NCOA2: variants seen among roughly 807,000 people sequenced by gnomAD.
NCOA2 encodes the protein class E basic helix-loop-helix protein 75.
In NCOA2, 21 loss-of-function variants were observed where a neutral mutation model predicts 145.1. The observed-to-expected ratio is 0.14, with a 90% CI of 0.10 to 0.21. The LOEUF is 0.21. Among genes scored for constraint, NCOA2 ranks in the 10% least tolerant of loss-of-function variants. The pLI is 1.00. For missense variants in NCOA2, 1,472 were observed against 1,837.6 expected, an observed-to-expected ratio of 0.80 and a Z score of 3.64; for synonymous variants, 619 against 637.5, an observed-to-expected ratio of 0.97 and a Z score of 0.44.
At chr8:70,124,642 C>T (rs1404723472) in intron 20 of NCOA2, 46 bp downstream of exon 20, 4 of 1,536,714 alleles carry the variant, frequency 2.6e-6, no homozygotes, top group East Asian at 2.3e-5. Context: ...GGATGTCCTT[C>T]AGCTGTCACA....
At chr8:70,310,568 T>C (rs1805027107) in intron 1 of NCOA2, among the ~76,000 whole-genome samples, 2 of 152,168 alleles carry the variant, frequency 1.3e-5, no homozygotes, top group South Asian at 4.1e-4. Context: ...TTTTTCTTCA[T>C]AAAGTATCAG....
chr8:70,409,154 A>G, the NCOA2 span, among the ~76,000 whole-genome samples: 2 of 152,230 alleles, frequency 1.3e-5, no homozygotes. Context: ...TATAGATTCA[A>G]TGCAATCCCA....
intron 2 of NCOA2, among the ~76,000 whole-genome samples, chr8:70,272,406 G>A (rs557897737): frequency 2.8e-4 from 42 of 152,250 alleles, no homozygotes; most frequent in Middle Eastern, 3.4e-3. Flanking sequence ...ACTTATCTAC[G>A]TGTCTCCTCT....
intron 2 of NCOA2, among the ~76,000 whole-genome samples, chr8:70,244,408 T>C (rs1031726392): frequency 2.0e-5 from 3 of 152,098 alleles, no homozygotes; most frequent in African/African-American, 4.8e-5. Context: ...AGCAGACAAG[T>C]ACAGTCTGAA....
rs1805275163 is a variant in NCOA2 at position 70,313,255 on chromosome 8, A to G, written c.-76-16455T>C. 2.0e-5 allele frequency among the ~76,000 whole-genome samples: 3 copies of G among 152,198 alleles called. No individual in the cohort carries two copies. In the South Asian group the frequency reaches 6.2e-4, roughly 31 times the overall value. On this transcript the variant is annotated intron_variant, in intron 1 of 22. Coordinates refer to ENST00000452400, the MANE Select transcript of NCOA2 (RefSeq NM_006540.4). ...TGCTCATGATTTTATAACACTAGAT[A>G]TATCTATTTATTCCCAAAGGGATTA... is the stretch of plus-strand genomic sequence containing the variant.
intron 2 of NCOA2, among the ~76,000 whole-genome samples, chr8:70,254,800 T>C (rs929414414): frequency 1.3e-5 from 2 of 152,218 alleles, no homozygotes; most frequent in African/African-American, 2.4e-5. Context: ...TTGATAGCTG[T>C]ATAACAGTGT....
intron 2 of NCOA2, among the ~76,000 whole-genome samples, chr8:70,230,797 A>G (rs1488586640): frequency 1.3e-5 from 2 of 152,252 alleles, no homozygotes; most frequent in Non-Finnish European, 2.9e-5. Flanking sequence ...AGAACAATCA[A>G]TAACTTAAAA....
the NCOA2 span, among the ~76,000 whole-genome samples, chr8:70,421,129 G>A: frequency 6.6e-6 from 1 of 152,138 alleles, no homozygotes; most frequent in Non-Finnish European, 1.5e-5. Flanking sequence ...AAAAAATACT[G>A]TGTAGGCAGG....
At chr8:70,150,703 C>T (rs1811640278) in intron 11 of NCOA2, among the ~76,000 whole-genome samples, 1 of 152,112 alleles carries the variant, frequency 6.6e-6, no homozygotes, top group African/African-American at 2.4e-5. Context: ...TCATGTTTTG[C>T]TGAATGCATA....
At chr8:70,136,928 C>T (rs1022028382) in intron 15 of NCOA2, among the ~76,000 whole-genome samples, 3 of 152,144 alleles carry the variant, frequency 2.0e-5, no homozygotes, top group African/African-American at 7.2e-5. Context: ...TAACTTTAAA[C>T]GTAATGAAAA....
Position 70,148,501 on chromosome 8 carries a change from AAG to A in NCOA2, c.2395-20_2395-19del. On this transcript the variant is annotated intron_variant, in intron 11 of 22. Coordinates refer to ENST00000452400, the MANE Select transcript of NCOA2 (RefSeq NM_006540.4). Reference sequence around the variant, plus strand: ...CTGCCAGGCTGTAGTTGACAAACAGAAGAGTTTATCCAGTCTACTCTAAGAGT... The same window carrying A: ...CTGCCAGGCTGTAGTTGACAAACAGAAGTTTATCCAGTCTACTCTAAGAGT... 6.2e-7 allele frequency: 1 copy of A among 1,609,978 alleles called. No homozygotes were observed.
chr8:70,331,459 A>G (rs572801875), intron 1 of NCOA2, among the ~76,000 whole-genome samples: 53 of 152,244 alleles, frequency 3.5e-4, no homozygotes, highest in African/African-American at 1.2e-3. Flanking sequence ...TAAATTACAG[A>G]TTTTTTCCTT....
chr8:70,416,893 T>C, the NCOA2 span, among the ~76,000 whole-genome samples: 1 of 152,186 alleles, frequency 6.6e-6, no homozygotes, highest in South Asian at 2.1e-4. Context: ...ACATGCTTTT[T>C]GGGGGACACA....
intron 2 of NCOA2, among the ~76,000 whole-genome samples, chr8:70,237,442 T>A (rs891268489): frequency 7.7e-6 from 1 of 129,954 alleles, no homozygotes; most frequent in Non-Finnish European, 1.6e-5. Context: ...TTTTTTTTTT[T>A]AAGTATAAAC....
chr8:70,218,697 G>A (rs1312055647), intron 2 of NCOA2, among the ~76,000 whole-genome samples: 1 of 152,142 alleles, frequency 6.6e-6, no homozygotes, highest in African/African-American at 2.4e-5. Context: ...ATCATGAGAT[G>A]TAAGAAAAAA....
chr8:70,267,650 G>A (rs1369365523), intron 2 of NCOA2, among the ~76,000 whole-genome samples: 1 of 151,898 alleles, frequency 6.6e-6, no homozygotes, highest in Non-Finnish European at 1.5e-5. Flanking sequence ...CTTTCTGCTA[G>A]GTGATGGAAA....
chr8:70,216,910 T>C, intron 2 of NCOA2, 146 bp from the exon 3 acceptor site: 2 of 572,078 alleles, frequency 3.5e-6, no homozygotes, highest in Non-Finnish European at 6.3e-6. Flanking sequence ...GCATGTATAA[T>C]TTCTAATATA....
chr8:70,209,820 G>A (rs928267153), intron 4 of NCOA2, among the ~76,000 whole-genome samples: 1 of 152,182 alleles, frequency 6.6e-6, no homozygotes, highest in African/African-American at 2.4e-5. Flanking sequence ...AAAAATTCAT[G>A]TCACTTGCTT....
At chr8:70,456,255 T>G in the NCOA2 span, among the ~76,000 whole-genome samples, 1 of 152,120 alleles carries the variant, frequency 6.6e-6, no homozygotes, top group South Asian at 2.1e-4. Context: ...TTCGAGGAAC[T>G]TTTCTAAAGC....
Sources: allele counts gnomAD v4.1 joint callset (sites outside exome capture counted in the v4.1 genomes callset), GRCh38; gene constraint gnomAD v4.1.1; transcripts MANE v1.5; gene names NCBI Gene and HGNC (gene_info 2026-07-23, HGNC 2026-07-21).